Variants in MAST1 observed in about 807,000 individuals in gnomAD.
MAST1 encodes the protein microtubule-associated serine/threonine-protein kinase 1.
In MAST1, 40 loss-of-function variants were observed where a neutral mutation model predicts 124.6. That is an observed-to-expected ratio of 0.32 (90% CI 0.25 to 0.42). The LOEUF (loss-of-function observed/expected upper bound fraction) is 0.42, where lower values mean the gene tolerates loss of function less well. Among genes scored for constraint, MAST1 ranks in the 10% least tolerant of loss-of-function variants. The pLI, the probability that MAST1 is intolerant of heterozygous loss-of-function variation, is 1.00. For missense variants in MAST1, 1,558 were observed against 2,181.9 expected (o/e 0.71, Z 5.70); for synonymous variants, 938 against 939.4 (o/e 1.00, Z 0.03).
At position 12,871,187 on chromosome 19, in the gene MAST1, A is replaced by T. The variant is rs773800320; in HGVS notation, c.3263+15A>T. ...GGCCAGGAGAGGTGGGCACAGCCGT[A>T]AACAGCCTGGTCTTTGAGCAGTGGG... On this transcript the variant is annotated intron_variant, in intron 24 of 25. Transcript: ENST00000251472. 1.2e-6 allele frequency: 2 copies of T among 1,613,886 alleles called. No individual in the cohort carries two copies. Among genetic ancestry groups the T allele is most frequent in the Non-Finnish European group, 1.7e-6 (2 of 1,179,928 alleles).
intron 20 of MAST1, 41 bp from the exon 21 acceptor site, chr19:12,868,602 G>A (rs1288666989): frequency 1.3e-6 from 2 of 1,499,328 alleles, no homozygotes; most frequent in South Asian, 1.3e-5. Context: ...GGAAATCCCT[G>A]GCCTTGGACT....
Position 12,865,624 on chromosome 19 carries a change from G to T in MAST1, c.1805-93G>T, listed in dbSNP as rs553078978. 3.5e-6 allele frequency: 5 copies of T among 1,428,198 alleles called. No individual in the cohort carries two copies. In the East Asian group the frequency reaches 9.2e-5, roughly 26 times the overall value. The allele number at this position is 1,428,198 out of a possible 1,614,324, so 88.5% of individuals were successfully genotyped here. The stretch of plus-strand genomic sequence containing the variant: ...CAAGGCTGCAGTGAGCCATGATCGT[G>T]CCACTGCACTCCAGCTGGGTGACAC... On this transcript the variant is annotated intron_variant, in intron 15 of 25. Transcript: ENST00000251472. The surrounding 1 kb of genome is among the most constrained non-coding windows in gnomAD (Gnocchi z 7.1).
chr19:12,851,951 G>A lies in MAST1; in HGVS notation c.792G>A (p.Glu264=). The A allele has an allele frequency of 2.5e-6, 4 of 1,614,038 alleles. No individual in the cohort carries two copies. Among genetic ancestry groups the A allele is most frequent in the Non-Finnish European group, 3.4e-6 (4 of 1,179,996 alleles). The change falls in exon 8 of 26, where the codon GAG becomes GAA. Residue 264 remains glutamate (E), a synonymous_variant. Coordinates refer to ENST00000251472, the MANE Select transcript of MAST1 (RefSeq NM_014975.3). ...KLLQDAYERS[E]SLEVAFVTQL... Reference sequence around the variant, plus strand: ...TGCCACAGGCCTATGAACGCTCTGAGAGCTTGGAGGTGGCCTTCGTTACTC... The same window carrying A: ...TGCCACAGGCCTATGAACGCTCTGAAAGCTTGGAGGTGGCCTTCGTTACTC...
At position 12,851,314 on chromosome 19, in the gene MAST1, G is replaced by A. The variant is rs376946768; in HGVS notation, c.775-620G>A. On this transcript the variant is annotated intron_variant, in intron 7 of 25. Transcript: ENST00000251472. ...GGTCTCTCTCTCTGTCACCCAGGCAGGAGTGCAGTGGTATAATCAGCTCAC... is the reference window on the plus strand; with the variant it reads ...GGTCTCTCTCTCTGTCACCCAGGCAAGAGTGCAGTGGTATAATCAGCTCAC... Among the ~76,000 whole-genome samples the A allele has an allele frequency of 1.5e-4, 22 of 151,144 alleles. 1 individual carries two copies. In the South Asian group the frequency reaches 4.4e-3, roughly 30 times the overall value.
intron 7 of MAST1, among the ~76,000 whole-genome samples, chr19:12,849,133 G>C (rs887300292): frequency 5.9e-5 from 9 of 152,024 alleles, no homozygotes; most frequent in Non-Finnish European, 1.3e-4. Flanking sequence ...TGGTGAGGGT[G>C]GGGGGGTGGA....
intron 1 of MAST1, among the ~76,000 whole-genome samples, chr19:12,840,153 C>T (rs760012298): frequency 6.6e-6 from 1 of 152,238 alleles, no homozygotes; most frequent in Admixed American, 6.5e-5. Flanking sequence ...GAGACACGCT[C>T]AGTATCACCA....
At position 12,852,029 on chromosome 19, in the gene MAST1, G is replaced by A. The variant is rs1333683979; in HGVS notation, c.870G>A (p.Glu290=). 3 of 1,613,952 alleles carry A rather than the reference G, an allele frequency of 1.9e-6. No homozygotes were observed. Among genetic ancestry groups the A allele is most frequent in the African/African-American group, 1.3e-5 (1 of 74,940 alleles). Residue 290 remains glutamate (E), a synonymous_variant, in exon 8 of 26, where the codon GAG becomes GAA. Coordinates refer to ENST00000251472, the MANE Select transcript of MAST1 (RefSeq NM_014975.3). ...IIISRPARLL[E]CLEFNPEEFY... The stretch of plus-strand genomic sequence containing the variant: ...TCTCACGCCCTGCGAGGCTGCTGGA[G>A]TGCCTGGTGAGGGGGCTGGGCATGG...
rs1267704070 is a variant in MAST1, at chr19:12,866,804, G to A, written c.2139+42G>A. ...TGTGGGACAGGGCGAGACCCCAGGAGGGATGGGGCTTGGAGAGACAGTGAG... is the reference window on the plus strand; with the variant it reads ...TGTGGGACAGGGCGAGACCCCAGGAAGGATGGGGCTTGGAGAGACAGTGAG... On this transcript the variant is annotated intron_variant, in intron 18 of 25. Coordinates refer to ENST00000251472, the MANE Select transcript of MAST1 (RefSeq NM_014975.3). This position sits in a 1 kb window ranked among gnomAD's most constrained non-coding sequence, Gnocchi z 5.2. 1 of 1,511,680 alleles carries A rather than the reference G, an allele frequency of 6.6e-7. No homozygotes were observed. 93.6% of individuals were successfully genotyped at this position (1,511,680 alleles called of 1,614,324 possible). A position where few individuals can be genotyped will look rare whatever the true frequency, so the allele number is the denominator to read the frequency against.
intron 24 of MAST1, 73 bp downstream of exon 24, chr19:12,871,245 TG>T: frequency 6.3e-7 from 1 of 1,593,460 alleles, no homozygotes. Context: ...CAGATGAGGA[TG>T]GAGAAGGGAA....
chr19:12,846,870 C>CAAAAAAAAAA (rs386388580), intron 4 of MAST1, among the ~76,000 whole-genome samples: 5 of 47,378 alleles, frequency 1.1e-4, no homozygotes, highest in East Asian at 6.9e-4. Context: ...AACTCCATCT[C>CAAAAAAAAAA]AAAAAAAAAA....
chr19:12,848,331 TA>T (rs1969921878), intron 7 of MAST1: 1 of 421,094 alleles, frequency 2.4e-6, no homozygotes, highest in Non-Finnish European at 4.3e-6. Flanking sequence ...TTTAAAATAT[TA>T]AACTCGGCCG....
At position 12,858,521 on chromosome 19, in the gene MAST1, C is replaced by G; in HGVS notation, c.1158-10C>G. ...AGGTGACGGCCGGTCCTCGCTCTCT[C>G]CCCCTGCAGCGCTGTCTACCTGGTG... On this transcript the variant is annotated splice_polypyrimidine_tract_variant and intron_variant, in intron 11 of 25. Coordinates refer to ENST00000251472, the MANE Select transcript of MAST1 (RefSeq NM_014975.3). The G allele has an allele frequency of 6.2e-7, 1 of 1,613,612 alleles. No individual in the cohort carries two copies. The highest frequency in any genetic ancestry group is 8.5e-7 in the Non-Finnish European group (1 of 1,179,564).
Position 12,874,387 on chromosome 19 carries a change from G to A in MAST1, c.4230G>A (p.Ala1410=), listed in dbSNP as rs756938163. The change falls in exon 26 of 26, where the codon GCG becomes GCA. Residue 1410 remains alanine, a synonymous_variant. Coordinates refer to ENST00000251472, the MANE Select transcript of MAST1 (RefSeq NM_014975.3). This position sits in a 1 kb window ranked among gnomAD's most constrained non-coding sequence, Gnocchi z 6.6. ...TGGMARAVAK[A]ALSPVQEHET... Reference sequence around the variant, plus strand: ...GGATGGCCAGGGCTGTGGCCAAGGCGGCGCTGAGCCCGGTGCAGGAACACG... The same window carrying A: ...GGATGGCCAGGGCTGTGGCCAAGGCAGCGCTGAGCCCGGTGCAGGAACACG... 4 of 1,598,590 alleles carry A rather than the reference G, an allele frequency of 2.5e-6. No homozygotes were observed. The highest frequency in any genetic ancestry group is 1.7e-5 in the Admixed American group (1 of 59,908).
chr19:12,853,502 G>A (rs914960963), intron 10 of MAST1, among the ~76,000 whole-genome samples: 4 of 151,824 alleles, frequency 2.6e-5, no homozygotes, highest in Non-Finnish European at 5.9e-5. Context: ...GCTTCAGTAA[G>A]CCATGATCAC....
At chr19:12,857,468 G>A (rs1390965111) in intron 10 of MAST1, among the ~76,000 whole-genome samples, 2 of 149,564 alleles carry the variant, frequency 1.3e-5, no homozygotes, top group Non-Finnish European at 3.0e-5. Context: ...CTGAAGTGCA[G>A]TGGCATGATC....
chr19:12,863,566 G>A (rs1396458324), intron 12 of MAST1, among the ~76,000 whole-genome samples: 1 of 152,114 alleles, frequency 6.6e-6, no homozygotes, highest in Non-Finnish European at 1.5e-5. Context: ...TCCCACATGT[G>A]GGCTTCCTTC....
Position 12,843,148 on chromosome 19 carries a change from C to T in MAST1, c.249-381C>T, listed in dbSNP as rs73503480. On this transcript the variant is annotated intron_variant, in intron 3 of 25. Transcript: ENST00000251472. This position sits in a 1 kb window ranked among gnomAD's most constrained non-coding sequence, Gnocchi z 4.9. ...TGTCAGAACATGTTGGGGGGTGGGA[C>T]GGGTCTTTTTTCTCTGAGAAGATCC... 0.052 allele frequency among the ~76,000 whole-genome samples: 7,908 copies of T among 151,836 alleles called. 716 individuals carry two copies. The highest frequency in any genetic ancestry group is 0.18 in the African/African-American group (7,548 of 41,352).
intron 24 of MAST1, among the ~76,000 whole-genome samples, chr19:12,871,849 G>A (rs1026172841): frequency 6.7e-6 from 1 of 148,444 alleles, no homozygotes; most frequent in South Asian, 2.1e-4. Context: ...CTGGGAGGTC[G>A]AGGCTGCAGT....
intron 22 of MAST1, 53 bp downstream of exon 22, chr19:12,869,348 A>G: frequency 6.8e-7 from 1 of 1,469,490 alleles, no homozygotes; most frequent in South Asian, 1.2e-5. Context: ...GGTGGGGAAA[A>G]GGCCCCTCCA....
Sources: gnomAD v4.1 joint callset for allele counts (sites outside exome capture counted in the v4.1 genomes callset) on GRCh38, gnomAD v4.1.1 for gene constraint, Gnocchi (gnomAD v3.1) non-coding constraint, MANE v1.5 for transcripts, NCBI Gene and HGNC (gene_info 2026-07-23, HGNC 2026-07-21) for gene names.